Variants in HLCS observed in about 807,000 individuals in gnomAD.
HLCS encodes biotin--protein ligase.
A neutral mutation model predicts 75.0 loss-of-function variants in HLCS; 53 were observed. The observed-to-expected ratio is 0.71, with a 90% confidence interval of 0.57 to 0.89. The LOEUF is 0.89. HLCS is among the 40% of genes least tolerant of loss of function. The pLI, the probability that HLCS is intolerant of heterozygous loss-of-function variation, is 0.00. For synonymous variants in HLCS, 431 were observed against 428.6 expected (o/e 1.01, Z -0.07); for missense variants, 966 against 1,074.0 (o/e 0.90, Z 1.41).
At chr21:36,958,247 A>C (rs895977931) in intron 2 of HLCS, among the ~76,000 whole-genome samples, 1 of 125,820 alleles carries the variant, frequency 7.9e-6, no homozygotes, top group Non-Finnish European at 1.7e-5. Context: ...TCTCAAAAAA[A>C]AAAAAAAAAG....
chr21:36,941,995 G>A (rs955514388), intron 2 of HLCS, among the ~76,000 whole-genome samples: 5 of 149,788 alleles, frequency 3.3e-5, no homozygotes, highest in Non-Finnish European at 7.4e-5. Flanking sequence ...CAATGAGAGC[G>A]AAACTGTCTC....
intron 6 of HLCS, among the ~76,000 whole-genome samples, chr21:36,818,747 C>T (rs1487580599): frequency 1.3e-5 from 2 of 152,110 alleles, no homozygotes; most frequent in Non-Finnish European, 2.9e-5. Context: ...CTTTTTCTCT[C>T]ATTGTATTTT....
chr21:36,830,600 G>A (rs1041059098), intron 6 of HLCS, among the ~76,000 whole-genome samples: 2 of 152,080 alleles, frequency 1.3e-5, no homozygotes, highest in Non-Finnish European at 2.9e-5. Flanking sequence ...TTGGGAGACT[G>A]AGGTGGGCTG....
chr21:36,881,789 C>T (rs1393051637), intron 6 of HLCS, among the ~76,000 whole-genome samples: 2 of 152,178 alleles, frequency 1.3e-5, no homozygotes, highest in Non-Finnish European at 2.9e-5. Flanking sequence ...AGGAACCTGG[C>T]CTCTGAGAAG....
chr21:36,913,271 G>GACCT (rs1476271858), intron 5 of HLCS, among the ~76,000 whole-genome samples: 1 of 152,118 alleles, frequency 6.6e-6, no homozygotes, highest in East Asian at 1.9e-4. Flanking sequence ...CTCACAAAGA[G>GACCT]ACCTACCTAA....
chr21:36,800,723 T>TGG (rs2061173723), intron 6 of HLCS, among the ~76,000 whole-genome samples: 1 of 152,196 alleles, frequency 6.6e-6, no homozygotes, highest in South Asian at 2.1e-4. Context: ...TCTCCCATCT[T>TGG]CAGAATGTTT....
Position 36,749,203 on chromosome 21 carries a change from T to C in HLCS, c.*5043A>G, listed in dbSNP as rs558879331. On this transcript the variant is annotated 3_prime_UTR_variant, in exon 11 of 11. Transcript: ENST00000674895. ...CCATTAATTTTTACTTTTTATGGGT[T>C]TTGCTTAAAGATCTCAACATGGAAA... 1 of 152,656 alleles carries C rather than the reference T, an allele frequency of 6.6e-6. No homozygotes were observed. The highest frequency in any genetic ancestry group is 1.5e-5 in the Non-Finnish European group (1 of 68,038). 9.5% of individuals were successfully genotyped at this position (152,656 alleles called of 1,614,324 possible).
chr21:36,755,100 A>G (rs2061506429), intron 10 of HLCS, among the ~76,000 whole-genome samples: 1 of 152,080 alleles, frequency 6.6e-6, no homozygotes, highest in Non-Finnish European at 1.5e-5. Flanking sequence ...CCTGCAACAT[A>G]TAAAGATAAG....
intron 6 of HLCS, among the ~76,000 whole-genome samples, chr21:36,787,065 T>G (rs190993604): frequency 2.6e-4 from 40 of 152,250 alleles, no homozygotes; most frequent in African/African-American, 9.4e-4. Context: ...CAGCACTGAG[T>G]GCAGCCACAT....
intron 5 of HLCS, among the ~76,000 whole-genome samples, chr21:36,910,541 G>T (rs1390025619): frequency 7.5e-6 from 1 of 132,646 alleles, no homozygotes; most frequent in African/African-American, 2.9e-5. Context: ...GCAAGACTCT[G>T]TATGGAAAAA....
chr21:36,875,876 C>G (rs1023750980), intron 6 of HLCS, among the ~76,000 whole-genome samples: 2 of 152,206 alleles, frequency 1.3e-5, no homozygotes, highest in African/African-American at 4.8e-5. Context: ...GACCTAGGGG[C>G]TCCCCAAGCC....
intron 5 of HLCS, among the ~76,000 whole-genome samples, chr21:36,912,837 T>A (rs2065778760): frequency 6.6e-6 from 1 of 151,702 alleles, no homozygotes; most frequent in South Asian, 2.1e-4. Flanking sequence ...AACCGAGGGG[T>A]CTCGCTGTGC....
intron 5 of HLCS, among the ~76,000 whole-genome samples, chr21:36,921,202 T>C (rs2066149298): frequency 6.6e-6 from 1 of 152,202 alleles, no homozygotes; most frequent in African/African-American, 2.4e-5. Flanking sequence ...ATCCCAGCAC[T>C]TTGGGGAGCC....
At chr21:36,984,200 T>C (rs2069183230) in intron 1 of HLCS, among the ~76,000 whole-genome samples, 1 of 125,124 alleles carries the variant, frequency 8.0e-6, no homozygotes, top group Admixed American at 9.2e-5. Flanking sequence ...TTAAGCAAAC[T>C]GTGGTAGAGT....
At chr21:36,961,007 C>A (rs1159171983) in intron 2 of HLCS, among the ~76,000 whole-genome samples, 1 of 152,156 alleles carries the variant, frequency 6.6e-6, no homozygotes, top group Non-Finnish European at 1.5e-5. Context: ...GAATGAGGAG[C>A]AGTGGAGATG....
rs112519105 is a variant in HLCS at position 36,842,313 on chromosome 21, G to T, written c.1892+54547C>A. 1.3e-5 allele frequency among the ~76,000 whole-genome samples: 2 copies of T among 152,192 alleles called. No homozygotes were observed. Among genetic ancestry groups the T allele is most frequent in the South Asian group, 4.1e-4 (2 of 4,826 alleles). On this transcript the variant is annotated intron_variant, in intron 6 of 10. Transcript: ENST00000674895. This position sits in a 1 kb window ranked among gnomAD's most constrained non-coding sequence, Gnocchi z 4.2. ...GATGCAGATGGGAAGGGACCTGAAG[G>T]TGCCTCTGACTGCTGGAACCCATTT...
chr21:36,971,072 T>C (rs192190730), upstream of HLCS, among the ~76,000 whole-genome samples: 572 of 152,254 alleles, frequency 3.8e-3, 2 homozygotes, highest in Non-Finnish European at 5.7e-3. Context: ...GTTCTTGTTT[T>C]TGGAACAATC....
intron 6 of HLCS, among the ~76,000 whole-genome samples, chr21:36,782,884 T>A (rs2060576670): frequency 1.3e-5 from 2 of 151,960 alleles, no homozygotes; most frequent in South Asian, 4.2e-4. Context: ...CTCACGAGGC[T>A]GAGGCACAAG....
intron 6 of HLCS, among the ~76,000 whole-genome samples, chr21:36,780,952 T>G (rs1014263124): frequency 1.5e-3 from 25 of 16,430 alleles, no homozygotes; most frequent in Admixed American, 1.8e-3. Context: ...CCCCCCAGGC[T>G]GCACAGCAGG....
Sources: allele counts gnomAD v4.1 joint callset (sites outside exome capture counted in the v4.1 genomes callset), GRCh38; gene constraint gnomAD v4.1.1; non-coding constraint Gnocchi (gnomAD v3.1); transcripts MANE v1.5; gene names NCBI Gene and HGNC (gene_info 2026-07-23, HGNC 2026-07-21).